The following WDR70 variants were observed in gnomAD, a reference collection of about 807,000 sequenced individuals.
WDR70 encodes WD repeat-containing protein 70.
Under a neutral mutation model 88.6 loss-of-function variants are expected in WDR70, and 53 were observed. The observed-to-expected ratio is 0.60, with a 90% CI of 0.48 to 0.75. The LOEUF (loss-of-function observed/expected upper bound fraction) is 0.75. Ranked by LOEUF, WDR70 falls within the 30% of genes least tolerant of loss-of-function variation. The pLI, the probability that WDR70 is intolerant of heterozygous loss-of-function variation, is 0.00. For missense variants in WDR70, 610 were observed against 823.2 expected (o/e 0.74, Z 3.17); for synonymous variants, 280 against 270.0 (o/e 1.04, Z -0.36).
intron 10 of WDR70, among the ~76,000 whole-genome samples, chr5:37,658,430 A>G (rs910700208): frequency 1.3e-5 from 2 of 152,182 alleles, no homozygotes; most frequent in Non-Finnish European, 2.9e-5. Flanking sequence ...TGTCTTTTCT[A>G]AACATAGTAT....
At chr5:37,504,647 T>C (rs1307091525) in intron 8 of WDR70, among the ~76,000 whole-genome samples, 1 of 152,244 alleles carries the variant, frequency 6.6e-6, no homozygotes, top group South Asian at 2.1e-4. Flanking sequence ...ATTTCTGAAG[T>C]TGCTCTCCTT....
chr5:37,540,828 C>G lies in WDR70; in HGVS notation c.917+24238C>G, dbSNP rs1741794399. ...TGCAGTAGAAATGTGTTTCATGATG[C>G]CTTTTGTCATGATTTTCTCACTCTT... On this transcript the variant is annotated intron_variant, in intron 9 of 17. Transcript: ENST00000265107. Among the ~76,000 whole-genome samples, 4 of 152,042 alleles carry G rather than the reference C, an allele frequency of 2.6e-5. No individual in the cohort carries two copies. In the South Asian group the frequency reaches 8.3e-4, roughly 32 times the overall value.
chr5:37,548,656 A>G (rs578033579), intron 9 of WDR70, among the ~76,000 whole-genome samples: 61 of 152,084 alleles, frequency 4.0e-4, no homozygotes, highest in African/African-American at 1.4e-3. Flanking sequence ...ATATGATTCC[A>G]TTTCTTCATT....
intron 9 of WDR70, among the ~76,000 whole-genome samples, chr5:37,572,492 G>T (rs1742936567): frequency 6.6e-6 from 1 of 152,036 alleles, no homozygotes; most frequent in African/African-American, 2.4e-5. Flanking sequence ...TTGCTGCATT[G>T]ATGTATTGTA....
intron 8 of WDR70, among the ~76,000 whole-genome samples, chr5:37,491,611 G>A (rs1740070852): frequency 6.6e-6 from 1 of 152,088 alleles, no homozygotes; most frequent in Non-Finnish European, 1.5e-5. Flanking sequence ...GTTTTCAGAT[G>A]TTTTATTTAT....
At chr5:37,557,959 T>TTTGAAAACTCTTCAAAAGAGAA in intron 9 of WDR70, among the ~76,000 whole-genome samples, 1 of 146,506 alleles carries the variant, frequency 6.8e-6, no homozygotes, top group Admixed American at 6.8e-5. Flanking sequence ...AAAAGAGTAT[T>TTTGAAAACTCTTCAAAAGAGAA]ATGTATATTT....
intron 15 of WDR70, chr5:37,723,227 G>A: frequency 6.2e-6 from 2 of 320,028 alleles, no homozygotes; most frequent in East Asian, 1.1e-4. Context: ...TATTCCAAGT[G>A]TGAACAAGAA....
chr5:37,676,712 C>G (rs1390127676), intron 10 of WDR70, among the ~76,000 whole-genome samples: 6 of 151,700 alleles, frequency 4.0e-5, no homozygotes, highest in African/African-American at 1.5e-4. Context: ...GGTTGTGTCT[C>G]TGCCAGGCTT....
At chr5:37,506,291 C>T (rs1740558278) in intron 8 of WDR70, 1 of 936,262 alleles carries the variant, frequency 1.1e-6, no homozygotes, top group Admixed American at 1.7e-5. Context: ...ATTGAGAATT[C>T]TTTATTGCCA....
chr5:37,412,214 C>T (rs1749547962), intron 5 of WDR70, among the ~76,000 whole-genome samples: 1 of 152,060 alleles, frequency 6.6e-6, no homozygotes, highest in African/African-American at 2.4e-5. Flanking sequence ...TGGTGAAACT[C>T]TGTCTCTACT....
At chr5:37,446,113 G>A (rs1198125291) in intron 7 of WDR70, among the ~76,000 whole-genome samples, 1 of 152,162 alleles carries the variant, frequency 6.6e-6, no homozygotes, top group Non-Finnish European at 1.5e-5. Context: ...AAATCAATGT[G>A]CAAAAATCAC....
At chr5:37,677,349 C>T (rs1342811590) in intron 10 of WDR70, among the ~76,000 whole-genome samples, 2 of 152,064 alleles carry the variant, frequency 1.3e-5, no homozygotes, top group Non-Finnish European at 2.9e-5. Flanking sequence ...TTGGATCTTT[C>T]CTGCTTTCTC....
At chr5:37,712,787 C>T (rs1644687028) in intron 13 of WDR70, among the ~76,000 whole-genome samples, 1 of 152,178 alleles carries the variant, frequency 6.6e-6, no homozygotes, top group Middle Eastern at 3.4e-3. Context: ...CTGCAACCTC[C>T]ACCTCCTGGG....
intron 9 of WDR70, among the ~76,000 whole-genome samples, chr5:37,550,515 T>G (rs1054418907): frequency 1.3e-5 from 2 of 152,234 alleles, no homozygotes; most frequent in Non-Finnish European, 2.9e-5. Context: ...AGATTAGGTC[T>G]GATGTTTCTT....
chr5:37,466,505 G>T (rs1258986174), intron 7 of WDR70, among the ~76,000 whole-genome samples: 2 of 151,776 alleles, frequency 1.3e-5, no homozygotes, highest in Non-Finnish European at 2.9e-5. Context: ...AGGAGATCGA[G>T]ACCATCCTTA....
chr5:37,649,959 G>A (rs367807738), intron 10 of WDR70, among the ~76,000 whole-genome samples: 8 of 135,870 alleles, frequency 5.9e-5, no homozygotes, highest in South Asian at 2.4e-4. Context: ...GGATGGTCTC[G>A]ATCTCCTGAC....
chr5:37,685,382 A>G (rs966493023), intron 10 of WDR70, among the ~76,000 whole-genome samples: 3 of 152,010 alleles, frequency 2.0e-5, no homozygotes, highest in African/African-American at 7.2e-5. Context: ...GCATGGCCAC[A>G]GGGGGCTGCC....
intron 10 of WDR70, among the ~76,000 whole-genome samples, chr5:37,610,816 G>A (rs1744171214): frequency 6.6e-6 from 1 of 152,112 alleles, no homozygotes; most frequent in Non-Finnish European, 1.5e-5. Context: ...GTTTGGATGA[G>A]CAACAGGATT....
chr5:37,598,317 G>A (rs1196668520), intron 9 of WDR70, among the ~76,000 whole-genome samples: 1 of 152,122 alleles, frequency 6.6e-6, no homozygotes. Context: ...GACATAAAGT[G>A]TCATTATTTG....
Sources: gnomAD v4.1 joint callset for allele counts (sites outside exome capture counted in the v4.1 genomes callset) on GRCh38, gnomAD v4.1.1 for gene constraint, MANE v1.5 for transcripts, NCBI Gene and HGNC (gene_info 2026-07-23, HGNC 2026-07-21) for gene names.